Variants in RASA2 observed in about 807,000 individuals in gnomAD.
RASA2 encodes the protein ras GTPase-activating protein 2.
In RASA2, 155 loss-of-function variants were observed where a neutral mutation model predicts 118.2. That is an observed-to-expected ratio of 1.31 (90% CI 1.15 to 1.50). The LOEUF (loss-of-function observed/expected upper bound fraction) is 1.50, where lower values mean the gene tolerates loss of function less well. RASA2 is among the 40% of genes most tolerant of loss of function. The pLI is 0.00. For synonymous variants in RASA2, 353 were observed against 349.1 expected, an observed-to-expected ratio of 1.01 and a Z score of -0.12; for missense variants, 1,016 against 1,009.6, an observed-to-expected ratio of 1.01 and a Z score of -0.09.
chr3:141,512,150 T>C lies in RASA2; in HGVS notation c.134-13T>C. Reference sequence around the variant, plus strand: ...ATGATATTTAATAACAATTTTAAATTTTATGCCAACAGGTGAAGCAAAAAA... The same window carrying C: ...ATGATATTTAATAACAATTTTAAATCTTATGCCAACAGGTGAAGCAAAAAA... On this transcript the variant is annotated splice_polypyrimidine_tract_variant and intron_variant, in intron 1 of 23. Transcript: ENST00000286364. 6.4e-7 allele frequency: 1 copy of C among 1,565,972 alleles called. No homozygotes were observed. The highest frequency in any genetic ancestry group is 8.8e-7 in the Non-Finnish European group (1 of 1,139,258).
intron 4 of RASA2, among the ~76,000 whole-genome samples, chr3:141,530,593 T>G (rs1489867760): frequency 6.6e-6 from 1 of 152,048 alleles, no homozygotes; most frequent in African/African-American, 2.4e-5. Context: ...ACTCAGAAGT[T>G]TAAGACAAGA....
intron 1 of RASA2, 91 bp from the exon 2 acceptor site, chr3:141,512,072 T>C: frequency 1.3e-6 from 1 of 793,940 alleles, no homozygotes; most frequent in South Asian, 1.6e-5. Flanking sequence ...GCCACATTAA[T>C]ATGTTCTTTC....
Position 141,555,871 on chromosome 3 carries a change from A to G in RASA2, c.643A>G (p.Lys215Glu). The G allele has an allele frequency of 6.2e-7, 1 of 1,612,796 alleles. No individual in the cohort carries two copies. The highest frequency in any genetic ancestry group is 8.5e-7 in the Non-Finnish European group (1 of 1,179,410). Residue 215 changes from lysine (K) to glutamate (E), a missense_variant, in exon 7 of 24, where the codon AAA becomes GAA. Lys to Glu is a moderately conservative substitution (Grantham distance 56). Coordinates refer to ENST00000286364, the MANE Select transcript of RASA2 (RefSeq NM_006506.5). Reference protein sequence around the residue: ...NDQKKTKVKKKTSNPQFNEIF... With the variant: ...NDQKKTKVKKETSNPQFNEIF... ...CCAAAAGAAGACAAAAGTAAAGAAG[A>G]AAACAAGCAATCCGCAGTTTAATGA... is the stretch of plus-strand genomic sequence containing the variant.
chr3:141,495,706 T>C (rs115757072), intron 1 of RASA2, among the ~76,000 whole-genome samples: 15 of 152,372 alleles, frequency 9.8e-5, no homozygotes, highest in African/African-American at 3.6e-4. Context: ...TTTTTACTTC[T>C]ACCTATTTGC....
intron 15 of RASA2, among the ~76,000 whole-genome samples, chr3:141,580,085 A>AATATATATATATAT (rs1207351331): frequency 1.8e-4 from 11 of 59,592 alleles, no homozygotes; most frequent in South Asian, 9.1e-4. Flanking sequence ...AAAAAAAAAA[A>AATATATATATATAT]ATATATATAT....
At chr3:141,508,733 A>C (rs1053068779) in intron 1 of RASA2, among the ~76,000 whole-genome samples, 9 of 152,140 alleles carry the variant, frequency 5.9e-5, no homozygotes, top group Non-Finnish European at 8.8e-5. Context: ...TAAGAGGGCA[A>C]GTTGCAGGTT....
intron 1 of RASA2, among the ~76,000 whole-genome samples, chr3:141,511,779 C>G (rs1269942962): frequency 1.3e-5 from 2 of 151,982 alleles, no homozygotes; most frequent in East Asian, 3.9e-4. Context: ...AAATTCCCAT[C>G]ATCGTTTATA....
chr3:141,575,731 T>C (rs768739162), intron 14 of RASA2, among the ~76,000 whole-genome samples: 11 of 152,246 alleles, frequency 7.2e-5, no homozygotes, highest in Non-Finnish European at 1.6e-4. Context: ...AAATCTGTTT[T>C]AGCAGTTTAA....
In RASA2 at chr3:141,596,879, C is replaced by A. The variant is rs533555379; in HGVS notation, c.1933+10127C>A. Among the ~76,000 whole-genome samples the A allele has an allele frequency of 2.6e-5, 4 of 152,276 alleles. No individual in the cohort carries two copies. In the South Asian group the frequency reaches 8.3e-4, roughly 32 times the overall value. ...AAATAGGGGCTTTGACAGTCAGCAA[C>A]TGGGCAGTTCTCAGAAAGTTAAACA... On this transcript the variant is annotated intron_variant, in intron 19 of 23. Transcript: ENST00000286364.
intron 9 of RASA2, among the ~76,000 whole-genome samples, chr3:141,565,316 G>A (rs985061580): frequency 2.0e-5 from 3 of 152,276 alleles, no homozygotes; most frequent in East Asian, 3.9e-4. Context: ...CTGATAAAAC[G>A]AGATGTCTGA....
At position 141,515,499 on chromosome 3, in the gene RASA2, C is replaced by T. The variant is rs74686388; in HGVS notation, c.252-829C>T. On this transcript the variant is annotated intron_variant, in intron 2 of 23. Coordinates refer to ENST00000286364, the MANE Select transcript of RASA2 (RefSeq NM_006506.5). ...CAACTTAGATCCCTTCAGTGTTCAG[C>T]TTGGTTTGTATAGAACTTAGTTGAA... Among the ~76,000 whole-genome samples the T allele has an allele frequency of 2.0e-4, 30 of 152,230 alleles. No homozygotes were observed. The East Asian group carries it at 5.4e-3, about 27-fold the overall frequency.
chr3:141,514,454 G>T (rs897118972), intron 2 of RASA2, among the ~76,000 whole-genome samples: 2 of 152,144 alleles, frequency 1.3e-5, no homozygotes, highest in Admixed American at 1.3e-4. Context: ...TTTCTGGGGA[G>T]ATAAAAATGT....
intron 1 of RASA2, among the ~76,000 whole-genome samples, chr3:141,496,854 A>G (rs1559988435): frequency 6.6e-6 from 1 of 152,332 alleles, no homozygotes; most frequent in East Asian, 1.9e-4. Context: ...TGCTACAAAG[A>G]CACATGCACA....
chr3:141,517,303 A>C (rs995862117), intron 3 of RASA2, among the ~76,000 whole-genome samples: 2 of 152,200 alleles, frequency 1.3e-5, no homozygotes, highest in African/African-American at 4.8e-5. Flanking sequence ...CCATAAAGAC[A>C]TACCTGAGAC....
chr3:141,571,150 G>T (rs1577758322), intron 10 of RASA2, 82 bp downstream of exon 10: 1 of 1,402,710 alleles, frequency 7.1e-7, no homozygotes, highest in East Asian at 2.5e-5. Context: ...GATTTCAAGA[G>T]TATCAAGTCT....
At chr3:141,602,861 C>T (rs2083487576) in intron 19 of RASA2, among the ~76,000 whole-genome samples, 1 of 152,206 alleles carries the variant, frequency 6.6e-6, no homozygotes. Context: ...TTTTGCCAGA[C>T]TCTGGGATAT....
At chr3:141,596,201 C>A (rs73871840) in intron 19 of RASA2, among the ~76,000 whole-genome samples, 25 of 152,090 alleles carry the variant, frequency 1.6e-4, no homozygotes, top group African/African-American at 6.0e-4. Context: ...GAATTAATGA[C>A]AATATGATAC....
intron 4 of RASA2, among the ~76,000 whole-genome samples, chr3:141,540,328 A>G (rs2082388125): frequency 6.6e-6 from 1 of 152,136 alleles, no homozygotes; most frequent in African/African-American, 2.4e-5. Context: ...TTTGAATACC[A>G]TGTTTGACAT....
chr3:141,541,138 C>G (rs760887243), intron 5 of RASA2, among the ~76,000 whole-genome samples: 14 of 152,162 alleles, frequency 9.2e-5, no homozygotes, highest in Non-Finnish European at 2.1e-4. Context: ...AACCCTTACT[C>G]TGTGATATCA....
Sources: allele counts gnomAD v4.1 joint callset (sites outside exome capture counted in the v4.1 genomes callset), GRCh38; gene constraint gnomAD v4.1.1; transcripts MANE v1.5; gene names NCBI Gene and HGNC (gene_info 2026-07-23, HGNC 2026-07-21).